Variants in ELP1 observed in about 807,000 individuals in gnomAD.
ELP1 encodes the protein elongator complex protein 1.
In ELP1, 131 loss-of-function variants were observed where a neutral mutation model predicts 183.2. The ratio of observed to expected loss-of-function variants is 0.72; its 90% CI spans 0.62 to 0.83. The LOEUF (loss-of-function observed/expected upper bound fraction) is 0.83. Among genes scored for constraint, ELP1 ranks in the 40% least tolerant of loss-of-function variants. The pLI, the probability that ELP1 is intolerant of heterozygous loss-of-function variation, is 0.00. For missense variants in ELP1, 1,550 were observed against 1,594.9 expected (o/e 0.97, Z 0.48); for synonymous variants, 555 against 569.0 (o/e 0.98, Z 0.35).
chr9:108,905,513 G>C (rs1828984669), intron 14 of ELP1, among the ~76,000 whole-genome samples: 2 of 152,168 alleles, frequency 1.3e-5, no homozygotes, highest in African/African-American at 4.8e-5. Flanking sequence ...AAGAAGAATA[G>C]AGACTTTCTA....
Position 108,906,300 on chromosome 9 carries a change from T to C in ELP1, c.1643+3A>G, listed in dbSNP as rs781377451. On this transcript the variant is annotated splice_donor_region_variant and intron_variant, in intron 14 of 36. Transcript: ENST00000374647. ...TGTGGAGTACAGGGAAAAACTGCAA[T>C]ACCTGACATTGAGCTGTCCATGCTC... 1.9e-6 allele frequency: 3 copies of C among 1,613,808 alleles called. No individual in the cohort carries two copies.
At chr9:108,881,842 G>T in intron 30 of ELP1, 77 bp from the exon 31 acceptor site, 1 of 923,472 alleles carries the variant, frequency 1.1e-6, no homozygotes, top group Non-Finnish European at 1.8e-6. Flanking sequence ...GAAAGACATG[G>T]ATTACTTTCA....
At chr9:108,903,703 A>T in intron 14 of ELP1, 34 bp from the exon 15 acceptor site, 7 of 1,481,776 alleles carry the variant, frequency 4.7e-6, no homozygotes, top group Non-Finnish European at 6.6e-6. Flanking sequence ...GTGTAAACAG[A>T]CCATTTTTCT....
At chr9:108,927,094 T>G (rs1829845592) in intron 4 of ELP1, among the ~76,000 whole-genome samples, 1 of 152,186 alleles carries the variant, frequency 6.6e-6, no homozygotes. Flanking sequence ...GTTTTATGAC[T>G]TTGTTTCTTA....
Position 108,926,491 on chromosome 9 carries a change from G to A in ELP1, c.466+32C>T, listed in dbSNP as rs142856660. On this transcript the variant is annotated intron_variant, in intron 5 of 36. Coordinates refer to ENST00000374647, the MANE Select transcript of ELP1 (RefSeq NM_003640.5). Reference sequence around the variant, plus strand: ...ATGGTCAAAAATGGGAAGAAACGTAGGTCACAAAATATTGCACAAAGCTAT... The same window carrying A: ...ATGGTCAAAAATGGGAAGAAACGTAAGTCACAAAATATTGCACAAAGCTAT... The A allele has an allele frequency of 8.5e-6, 13 of 1,535,448 alleles. No homozygotes were observed. The South Asian group carries it at 1.2e-4, about 15-fold the overall frequency.
At chr9:108,898,889 T>A in intron 20 of ELP1, 140 bp from the exon 21 acceptor site, 1 of 663,958 alleles carries the variant, frequency 1.5e-6, no homozygotes, top group Non-Finnish European at 2.7e-6. Flanking sequence ...GGATTTCTAC[T>A]CTGAAATTAC....
At chr9:108,872,760 G>C (rs1194015465) in intron 36 of ELP1, among the ~76,000 whole-genome samples, 1 of 127,416 alleles carries the variant, frequency 7.8e-6, no homozygotes, top group Non-Finnish European at 1.5e-5. Flanking sequence ...AGCCGAGATT[G>C]CGCCACTGCA....
chr9:108,893,849 T>C, intron 26 of ELP1, 94 bp downstream of exon 26: 1 of 1,317,192 alleles, frequency 7.6e-7, no homozygotes, highest in Non-Finnish European at 1.1e-6. Context: ...GGAAGTGAAA[T>C]CAGTCACTGT....
chr9:108,891,637 C>A (rs1173520801), intron 27 of ELP1, among the ~76,000 whole-genome samples: 1 of 152,166 alleles, frequency 6.6e-6, no homozygotes, highest in Non-Finnish European at 1.5e-5. Flanking sequence ...CCATTCTGGG[C>A]AGTATGGATA....
chr9:108,930,835 T>A (rs1829978995), intron 2 of ELP1, among the ~76,000 whole-genome samples, 162 bp downstream of exon 2: 1 of 152,190 alleles, frequency 6.6e-6, no homozygotes, highest in African/African-American at 2.4e-5. Flanking sequence ...GGATTACGAT[T>A]TAAGCTATGT....
chr9:108,917,625 C>A lies in ELP1; in HGVS notation c.786G>T (p.Gln262His). The change falls in exon 9 of 37, where the codon CAG (glutamine) becomes CAT (histidine). Residue 262 changes from glutamine (Q) to histidine (H), a missense_variant. Transcript: ENST00000374647. ...TTTTCTCAAAAAACACAATATCCTG[C>A]TGGTTGGGTTTATCTTGTGTAGATG... ...LIASTQDKPN[Q>H]QDIVFFEKNG... 2.5e-6 allele frequency: 4 copies of A among 1,613,974 alleles called. No individual in the cohort carries two copies. Among genetic ancestry groups the A allele is most frequent in the Non-Finnish European group, 2.5e-6 (3 of 1,179,880 alleles).
chr9:108,882,059 C>A, intron 30 of ELP1, 66 bp downstream of exon 30: 1 of 1,311,342 alleles, frequency 7.6e-7, no homozygotes, highest in Non-Finnish European at 1.1e-6. Context: ...TTCCAACTGA[C>A]CTGGAATCCC....
chr9:108,868,924 C>A lies in ELP1; in HGVS notation c.*191G>T. 1.6e-6 allele frequency: 1 copy of A among 641,502 alleles called. No individual in the cohort carries two copies. Among genetic ancestry groups the A allele is most frequent in the South Asian group, 1.8e-5 (1 of 55,828 alleles). 39.7% of individuals were successfully genotyped at this position (641,502 alleles called of 1,614,324 possible). ...TAAAGCTTAATGTCTTGCTAATGAT[C>A]AAGATGTATACACAACATAAAATAA... On this transcript the variant is annotated 3_prime_UTR_variant, in exon 37 of 37. Coordinates refer to ENST00000374647, the MANE Select transcript of ELP1 (RefSeq NM_003640.5).
chr9:108,903,191 T>C (rs1828876717), intron 15 of ELP1, among the ~76,000 whole-genome samples: 1 of 152,170 alleles, frequency 6.6e-6, no homozygotes, highest in African/African-American at 2.4e-5. Context: ...ACTTGTCATT[T>C]ACATTAGGTA....
chr9:108,904,710 G>C (rs1444707868), intron 14 of ELP1, among the ~76,000 whole-genome samples: 2 of 152,208 alleles, frequency 1.3e-5, no homozygotes, highest in Non-Finnish European at 2.9e-5. Context: ...TCTGTAAAAT[G>C]ATGGTGCAAA....
At position 108,918,813 on chromosome 9, in the gene ELP1, C is replaced by T; in HGVS notation, c.738G>A (p.Trp246Ter). 1 of 1,613,326 alleles carries T rather than the reference C, an allele frequency of 6.2e-7. No individual in the cohort carries two copies. Reference sequence around the variant, plus strand: ...CTAAGGTTTCTTCTCCCACTCACTTCCAAGCCAGGGCTGGTCCCAGTCCTG... The same window carrying T: ...CTAAGGTTTCTTCTCCCACTCACTTTCAAGCCAGGGCTGGTCCCAGTCCTG... ...PVAGLGPALA[W>*]KPSGSLIAST... The change falls in exon 8 of 37, where the codon TGG (tryptophan) becomes TGA (stop). Residue 246 changes from tryptophan (W) to a stop codon, truncating the protein, a stop_gained and splice_region_variant. Coordinates refer to ENST00000374647, the MANE Select transcript of ELP1 (RefSeq NM_003640.5). LOFTEE classifies it high-confidence loss of function.
At chr9:108,874,466 A>G (rs1827618530) in intron 36 of ELP1, among the ~76,000 whole-genome samples, 1 of 152,224 alleles carries the variant, frequency 6.6e-6, no homozygotes, top group African/African-American at 2.4e-5. Context: ...TGTCAATCCT[A>G]AACATAATAA....
intron 5 of ELP1, among the ~76,000 whole-genome samples, chr9:108,924,652 C>T (rs1002959753): frequency 1.3e-5 from 2 of 152,182 alleles, no homozygotes; most frequent in Non-Finnish European, 2.9e-5. Flanking sequence ...CATCTGTTCC[C>T]AAAACTGTCA....
chr9:108,885,542 C>T (rs1354032946), intron 29 of ELP1, among the ~76,000 whole-genome samples: 1 of 152,110 alleles, frequency 6.6e-6, no homozygotes, highest in African/African-American at 2.4e-5. Flanking sequence ...AAGAAAACTC[C>T]TGGCCGAGAT....
Sources: gnomAD v4.1 joint callset for allele counts (sites outside exome capture counted in the v4.1 genomes callset) on GRCh38, gnomAD v4.1.1 for gene constraint, MANE v1.5 for transcripts, NCBI Gene and HGNC (gene_info 2026-07-23, HGNC 2026-07-21) for gene names.